Variants in NRXN1 observed in about 807,000 individuals in gnomAD.
NRXN1 encodes the protein neurexin 1.
A neutral mutation model predicts 150.9 loss-of-function variants in NRXN1; 39 were observed. That is an observed-to-expected ratio of 0.26 (90% CI 0.20 to 0.34). NRXN1 has a LOEUF of 0.34. NRXN1 is among the 10% of genes least tolerant of loss of function. The pLI is 1.00. For missense variants in NRXN1, 1,815 were observed against 1,949.9 expected (o/e 0.93, Z 1.30); for synonymous variants, 924 against 757.0 (o/e 1.22, Z -3.62).
chr2:51,026,571 C>T lies in NRXN1; in HGVS notation c.772+931G>A. ...GAAATTACAACTTGGCCTCCACTAC[C>T]CAGATAAATGTCATTAGCCGAATAT... On this transcript the variant is annotated intron_variant, in intron 2 of 22. Transcript: ENST00000401669. 6.9e-6 allele frequency: 5 copies of T among 729,188 alleles called. 1 individual carries two copies. The Admixed American group carries it at 7.4e-5, about 11-fold the overall frequency. The allele number at this position is 729,188 out of a possible 1,614,324, so 45.2% of individuals were successfully genotyped here.
chr2:50,160,329 T>C (rs2059287346), intron 18 of NRXN1, among the ~76,000 whole-genome samples: 1 of 151,926 alleles, frequency 6.6e-6, no homozygotes. Context: ...TCACCTTAGG[T>C]CAGGAGTTCG....
chr2:49,960,509 A>G (rs1675739171), intron 21 of NRXN1, among the ~76,000 whole-genome samples: 1 of 152,206 alleles, frequency 6.6e-6, no homozygotes, highest in Admixed American at 6.5e-5. Context: ...GTTCCACTGA[A>G]TATCACATTA....
At chr2:50,813,451 T>G (rs771405110) in intron 5 of NRXN1, among the ~76,000 whole-genome samples, 31 of 152,136 alleles carry the variant, frequency 2.0e-4, no homozygotes, top group Non-Finnish European at 1.3e-4. Context: ...TTGCATAGCA[T>G]TATGTATTAT....
At chr2:50,479,126 C>T (rs1476055373) in intron 15 of NRXN1, among the ~76,000 whole-genome samples, 1 of 152,210 alleles carries the variant, frequency 6.6e-6, no homozygotes, top group Non-Finnish European at 1.5e-5. Flanking sequence ...TCTTCAAAAA[C>T]TTTTGCTAAA....
At chr2:50,425,449 G>A (rs1448626410) in intron 17 of NRXN1, among the ~76,000 whole-genome samples, 2 of 152,106 alleles carry the variant, frequency 1.3e-5, no homozygotes, top group Non-Finnish European at 2.9e-5. Flanking sequence ...TAACCTGCAA[G>A]TTATTGTTTG....
chr2:50,419,297 A>C (rs557713678), intron 17 of NRXN1, among the ~76,000 whole-genome samples: 3 of 152,210 alleles, frequency 2.0e-5, no homozygotes, highest in African/African-American at 7.2e-5. Context: ...CTTGGTAATG[A>C]GTTTTGGACT....
At chr2:50,652,871 T>C (rs1271511191) in intron 5 of NRXN1, among the ~76,000 whole-genome samples, 1 of 152,106 alleles carries the variant, frequency 6.6e-6, no homozygotes, top group Admixed American at 6.6e-5. Flanking sequence ...TTTTCCATTA[T>C]AGCCATCCTA....
At chr2:50,421,480 T>C (rs1343982003) in intron 17 of NRXN1, among the ~76,000 whole-genome samples, 1 of 152,160 alleles carries the variant, frequency 6.6e-6, no homozygotes, top group Non-Finnish European at 1.5e-5. Context: ...AAAAGAATCA[T>C]TCTGTATAGT....
chr2:50,471,354 G>A (rs1322405829), intron 16 of NRXN1, among the ~76,000 whole-genome samples: 2 of 151,690 alleles, frequency 1.3e-5, no homozygotes, highest in Non-Finnish European at 2.9e-5. Context: ...GTAACATGAA[G>A]CATTTGGTTT....
chr2:50,099,581 T>C (rs1214055251), intron 18 of NRXN1, among the ~76,000 whole-genome samples: 2 of 152,026 alleles, frequency 1.3e-5, no homozygotes, highest in African/African-American at 2.4e-5. Flanking sequence ...CTATTAGCAT[T>C]ATTATTATTA....
intron 17 of NRXN1, among the ~76,000 whole-genome samples, chr2:50,449,690 T>C (rs1228373947): frequency 6.6e-6 from 1 of 152,196 alleles, no homozygotes; most frequent in African/African-American, 2.4e-5. Flanking sequence ...CACTACATTT[T>C]GAAAAGCAAG....
At chr2:50,534,696 G>A (rs115168013) in intron 10 of NRXN1, among the ~76,000 whole-genome samples, 3,780 of 152,114 alleles carry the variant, frequency 0.025, 56 homozygotes, top group East Asian at 0.067. Context: ...CAGTTACTTT[G>A]GTTTCATATA....
intron 12 of NRXN1, among the ~76,000 whole-genome samples, chr2:50,527,198 G>A (rs909627776): frequency 1.3e-5 from 2 of 152,148 alleles, no homozygotes; most frequent in Non-Finnish European, 2.9e-5. Context: ...AGATGCAGGA[G>A]GGATCAAGAA....
chr2:50,666,973 G>A (rs1047523730), intron 5 of NRXN1, among the ~76,000 whole-genome samples: 2 of 151,764 alleles, frequency 1.3e-5, no homozygotes, highest in African/African-American at 4.8e-5. Context: ...CGTGGTGAGA[G>A]TATATAAAAG....
intron 17 of NRXN1, among the ~76,000 whole-genome samples, chr2:50,456,214 T>G (rs566417883): frequency 2.0e-5 from 3 of 152,164 alleles, no homozygotes; most frequent in African/African-American, 7.2e-5. Context: ...GAACCTTTTA[T>G]GAAACTTGTT....
rs1572850943 is a variant in NRXN1, at chr2:49,920,970, A to C, written c.*974T>G. 4.4e-5 allele frequency: 5 copies of C among 114,794 alleles called. No individual in the cohort carries two copies. In the East Asian group the frequency reaches 1.3e-3, roughly 29 times the overall value. 7.1% of individuals were successfully genotyped at this position (114,794 alleles called of 1,614,324 possible). On this transcript the variant is annotated 3_prime_UTR_variant, in exon 23 of 23. Coordinates refer to ENST00000401669, the MANE Select transcript of NRXN1 (RefSeq NM_001330078.2). ...CACTACACTGTAATTTCTTTAAAAA[A>C]TAAAAGTAATTGTGGCAATTTATAA... is the stretch of plus-strand genomic sequence containing the variant.
chr2:50,125,605 A>C (rs1323442592), intron 18 of NRXN1, among the ~76,000 whole-genome samples: 1 of 152,130 alleles, frequency 6.6e-6, no homozygotes, highest in African/African-American at 2.4e-5. Flanking sequence ...TTCCATAAAA[A>C]CATTAAGATC....
At chr2:50,158,786 A>G (rs961031319) in intron 18 of NRXN1, among the ~76,000 whole-genome samples, 1 of 152,062 alleles carries the variant, frequency 6.6e-6, no homozygotes, top group South Asian at 2.1e-4. Context: ...AAAGTTAATA[A>G]TTTCTTCTCC....
intron 17 of NRXN1, among the ~76,000 whole-genome samples, chr2:50,329,668 TATA>T (rs2076694452): frequency 2.5e-4 from 6 of 24,386 alleles, no homozygotes; most frequent in Non-Finnish European, 3.2e-4. Flanking sequence ...TATATATATA[TATA>T]TATTTTTTTT....
Sources: gnomAD v4.1 joint callset for allele counts (sites outside exome capture counted in the v4.1 genomes callset) on GRCh38, gnomAD v4.1.1 for gene constraint, MANE v1.5 for transcripts, NCBI Gene and HGNC (gene_info 2026-07-23, HGNC 2026-07-21) for gene names.